The following NDRG4 variants were observed in gnomAD, a reference collection of about 807,000 sequenced individuals.
The protein encoded by NDRG4 is protein NDRG4.
A neutral mutation model predicts 55.8 loss-of-function variants in NDRG4; 38 were observed. The observed-to-expected ratio is 0.68, with a 90% CI of 0.53 to 0.89. NDRG4 has a LOEUF of 0.89. NDRG4 is among the 40% of genes least tolerant of loss of function. The pLI is 0.00. For synonymous variants in NDRG4, 190 were observed against 182.7 expected, an observed-to-expected ratio of 1.04 and a Z score of -0.32; for missense variants, 455 against 468.6, an observed-to-expected ratio of 0.97 and a Z score of 0.27.
chr16:58,511,907 G>C lies in NDRG4; in HGVS notation c.*331G>C, dbSNP rs139443020. 1.3e-5 allele frequency: 6 copies of C among 451,556 alleles called. No individual in the cohort carries two copies. Among genetic ancestry groups the C allele is most frequent in the African/African-American group, 9.9e-5 (5 of 50,722 alleles). The allele number at this position is 451,556 out of a possible 1,614,324, so 28.0% of individuals were successfully genotyped here. ...CATTCCTGGGTGAGCCCTTGGGCAG[G>C]CATGTTTGGAGATGAGAGAGGCTTC... On this transcript the variant is annotated 3_prime_UTR_variant, in exon 15 of 15. Coordinates refer to ENST00000570248, the MANE Select transcript of NDRG4 (RefSeq NM_001242835.2).
chr16:58,496,413 A>AT (rs1370824595), upstream of NDRG4, among the ~76,000 whole-genome samples: 2 of 151,816 alleles, frequency 1.3e-5, no homozygotes, highest in African/African-American at 4.8e-5. Context: ...TGGAGGCAGC[A>AT]TTTTTTTCGT....
At chr16:58,508,042 G>C in intron 10 of NDRG4, 43 bp downstream of exon 10, 1 of 1,495,802 alleles carries the variant, frequency 6.7e-7, no homozygotes, top group African/African-American at 1.4e-5. Context: ...GGAGGTAGGG[G>C]TGAGGGGCTC....
At position 58,510,668 on chromosome 16, in the gene NDRG4, C is replaced by T. The variant is rs2038686573; in HGVS notation, c.889C>T (p.Leu297=). 1 of 1,535,926 alleles carries T rather than the reference C, an allele frequency of 6.5e-7. No homozygotes were observed. Among genetic ancestry groups the T allele is most frequent in the African/African-American group, 1.4e-5 (1 of 73,040 alleles). The change falls in exon 14 of 15, where the codon CTG becomes TTG. Residue 297 remains leucine, a synonymous_variant. Coordinates refer to ENST00000570248, the MANE Select transcript of NDRG4 (RefSeq NM_001242835.2). ...AGTTGCGTACTTGAAGGACCGAAGG[C>T]TGAGTGGAGGAGCAGGTAGCCCCAC... The part of the protein sequence containing the change: ...GYIAYLKDRR[L]SGGAVPSASM...
intron 2 of NDRG4, among the ~76,000 whole-genome samples, chr16:58,492,917 C>A (rs576245846): frequency 2.0e-5 from 3 of 152,240 alleles, no homozygotes; most frequent in African/African-American, 7.2e-5. Context: ...TTCCCTCCTC[C>A]CTGCAGAGCC....
At chr16:58,473,690 C>T (rs960619219) in intron 1 of NDRG4, among the ~76,000 whole-genome samples, 2 of 152,140 alleles carry the variant, frequency 1.3e-5, no homozygotes, top group Non-Finnish European at 2.9e-5. Flanking sequence ...TCAGAACATA[C>T]CCAGAAGCTG....
In NDRG4 at chr16:58,511,578, G is replaced by C. The variant is rs922325230; in HGVS notation, c.*2G>C. The stretch of plus-strand genomic sequence containing the variant: ...CACACCATGGAGGTGTCCTGTTGAA[G>C]CCCTTGATCCCGCTGACGACGCCCA... On this transcript the variant is annotated 3_prime_UTR_variant, in exon 15 of 15. Coordinates refer to ENST00000570248, the MANE Select transcript of NDRG4 (RefSeq NM_001242835.2). The C allele has an allele frequency of 1.9e-6, 3 of 1,612,978 alleles. No individual in the cohort carries two copies. In the African/African-American group the frequency reaches 4.0e-5, roughly 22 times the overall value.
At chr16:58,488,896 T>C (rs1264384070) in intron 2 of NDRG4, among the ~76,000 whole-genome samples, 1 of 152,188 alleles carries the variant, frequency 6.6e-6, no homozygotes. Context: ...CCCTTTATTC[T>C]AAGTTTACTT....
intron 1 of NDRG4, among the ~76,000 whole-genome samples, chr16:58,474,925 A>G (rs1339073106): frequency 6.6e-6 from 1 of 152,208 alleles, no homozygotes; most frequent in Non-Finnish European, 1.5e-5. Flanking sequence ...GAGGCAGGAA[A>G]GCTCTGGGAG....
intron 1 of NDRG4, among the ~76,000 whole-genome samples, chr16:58,473,310 A>G (rs2033132944): frequency 1.3e-5 from 2 of 152,008 alleles, no homozygotes; most frequent in African/African-American, 4.8e-5. Context: ...GAACACAGGC[A>G]TATATCACCA....
intron 5 of NDRG4, among the ~76,000 whole-genome samples, chr16:58,505,348 CAAAAAAAT>C (rs1198513263): frequency 1.4e-4 from 15 of 109,916 alleles, no homozygotes; most frequent in East Asian, 2.9e-4. Flanking sequence ...GACTCTGTCT[CAAAAAAAT>C]AAAAAAATAA....
intron 5 of NDRG4, 199 bp from the exon 6 acceptor site, chr16:58,506,184 TGATA>T (rs2037978177): frequency 3.3e-6 from 2 of 605,222 alleles, no homozygotes; most frequent in Non-Finnish European, 6.0e-6. Flanking sequence ...GTGGAAACAA[TGATA>T]GAGATTCTAA....
At chr16:58,466,006 A>T (rs558447560) in intron 1 of NDRG4, among the ~76,000 whole-genome samples, 1 of 152,094 alleles carries the variant, frequency 6.6e-6, no homozygotes. Context: ...TTGCGGTTCC[A>T]TGGGTGTTTT....
Position 58,504,574 on chromosome 16 carries a change from C to A in NDRG4, c.312-15C>A. 6.2e-7 allele frequency: 1 copy of A among 1,614,216 alleles called. No homozygotes were observed. Among genetic ancestry groups the A allele is most frequent in the South Asian group, 1.1e-5 (1 of 91,090 alleles). Reference sequence around the variant, plus strand: ...GCACCCCTAGCCCTAGAGTGACCAGCCTGCTCTGCACCAGGTTCAAGTATG... The same window carrying A: ...GCACCCCTAGCCCTAGAGTGACCAGACTGCTCTGCACCAGGTTCAAGTATG... On this transcript the variant is annotated splice_polypyrimidine_tract_variant and intron_variant, in intron 4 of 14. Transcript: ENST00000570248.
intron 1 of NDRG4, among the ~76,000 whole-genome samples, chr16:58,478,697 G>GTTTTTTTTTTTTTTTTT (rs59525801): frequency 1.5e-5 from 2 of 137,750 alleles, no homozygotes; most frequent in Non-Finnish European, 3.1e-5. Flanking sequence ...TTTGTTTTTT[G>GTTTTTTTTTTTTTTTTT]TTTTTTTTTT....
chr16:58,510,836 C>A lies in NDRG4; in HGVS notation c.904+153C>A, dbSNP rs555654561. ...AACTCAGAAACCCCACAGATTCTTGCTTTTCTGCAGGCTTGGCCTCTAGGT... is the reference window on the plus strand; with the variant it reads ...AACTCAGAAACCCCACAGATTCTTGATTTTCTGCAGGCTTGGCCTCTAGGT... On this transcript the variant is annotated intron_variant, in intron 14 of 14. Transcript: ENST00000570248. 2.9e-3 allele frequency: 2,121 copies of A among 741,070 alleles called. 8 individuals carry two copies. The highest frequency in any genetic ancestry group is 4.1e-3 in the Non-Finnish European group (1,836 of 443,256). The allele number at this position is 741,070 out of a possible 1,614,324, so 45.9% of individuals were successfully genotyped here. A position where few individuals can be genotyped will look rare whatever the true frequency, so the allele number is the denominator to read the frequency against.
chr16:58,467,826 G>A lies in NDRG4; in HGVS notation c.-24+4029G>A, dbSNP rs550886580. The stretch of plus-strand genomic sequence containing the variant: ...AGACGTCGAGTGCAGCTTCTGGCGG[G>A]CGGATAGTTGATGACAGTCGTGGAG... On this transcript the variant is annotated intron_variant, in intron 1 of 15. Transcript: ENST00000258187. 1.8e-4 allele frequency among the ~76,000 whole-genome samples: 28 copies of A among 152,350 alleles called. No homozygotes were observed. In the South Asian group the frequency reaches 3.9e-3, roughly 21 times the overall value.
chr16:58,491,982 A>G (rs975932899), intron 2 of NDRG4, among the ~76,000 whole-genome samples: 7 of 150,260 alleles, frequency 4.7e-5, no homozygotes, highest in African/African-American at 7.4e-5. Flanking sequence ...GGATCTTTCT[A>G]TGTTGCCCAG....
chr16:58,510,882 C>G (rs2038717725), intron 14 of NDRG4, 199 bp downstream of exon 14: 1 of 616,328 alleles, frequency 1.6e-6, no homozygotes, highest in Non-Finnish European at 2.9e-6. Context: ...GCAGAGCAGT[C>G]TTGCTTCTAG....
At chr16:58,484,768 C>T (rs1300080914) in intron 1 of NDRG4, among the ~76,000 whole-genome samples, 2 of 152,074 alleles carry the variant, frequency 1.3e-5, no homozygotes, top group Admixed American at 6.6e-5. Context: ...TAGACCCTGG[C>T]GTTCGCCCAC....
Sources: allele counts gnomAD v4.1 joint callset (sites outside exome capture counted in the v4.1 genomes callset), GRCh38; gene constraint gnomAD v4.1.1; transcripts MANE v1.5; gene names NCBI Gene and HGNC (gene_info 2026-07-23, HGNC 2026-07-21).